The following ST6GAL1 variants were observed in gnomAD, a reference collection of about 807,000 sequenced individuals.
The protein encoded by ST6GAL1 is ST6 beta-galactoside alpha-2,6-sialyltransferase 1.
ST6GAL1 carries 20 observed loss-of-function variants against 38.0 expected under a neutral mutation model. That is an observed-to-expected ratio of 0.53 (90% CI 0.37 to 0.77). The LOEUF is 0.77. Ranked by LOEUF, ST6GAL1 falls within the 30% of genes least tolerant of loss-of-function variation. The pLI is 0.00. For missense variants in ST6GAL1, 432 were observed against 496.4 expected, an observed-to-expected ratio of 0.87 and a Z score of 1.23; for synonymous variants, 196 against 188.2, an observed-to-expected ratio of 1.04 and a Z score of -0.34.
chr3:187,051,974 A>G (rs1718530791), intron 5 of ST6GAL1, among the ~76,000 whole-genome samples: 1 of 152,190 alleles, frequency 6.6e-6, no homozygotes, highest in South Asian at 2.1e-4. Flanking sequence ...AATATCAAAA[A>G]TTGCACAATA....
At chr3:186,997,168 A>G (rs1579307882) in intron 2 of ST6GAL1, among the ~76,000 whole-genome samples, 1 of 151,902 alleles carries the variant, frequency 6.6e-6, no homozygotes, top group Non-Finnish European at 1.5e-5. Flanking sequence ...GGACTGCCCA[A>G]CCTCCTCACT....
chr3:186,970,119 A>C (rs1476701907), intron 2 of ST6GAL1, among the ~76,000 whole-genome samples: 1 of 152,200 alleles, frequency 6.6e-6, no homozygotes, highest in Non-Finnish European at 1.5e-5. Context: ...GATTGGTACA[A>C]CATGTGTATA....
intron 5 of ST6GAL1, among the ~76,000 whole-genome samples, chr3:187,065,490 T>G (rs537069703): frequency 2.0e-5 from 3 of 152,190 alleles, no homozygotes; most frequent in Non-Finnish European, 4.4e-5. Context: ...CTGTGCCAGG[T>G]GTGGCTATGA....
chr3:186,952,852 C>T lies in ST6GAL1; in HGVS notation c.-324-10933C>T, dbSNP rs1204461799. ...ATCTCAAATATGACAAGCCCAAAAT[C>T]GAACTGCTGCTTTTCTCCCTAAAAG... On this transcript the variant is annotated intron_variant, in intron 1 of 7. Transcript: ENST00000169298. This position sits in a 1 kb window ranked among gnomAD's most constrained non-coding sequence, Gnocchi z 4.1. Among the ~76,000 whole-genome samples the T allele has an allele frequency of 6.6e-6, 1 of 152,158 alleles. No individual in the cohort carries two copies. The highest frequency in any genetic ancestry group is 1.5e-5 in the Non-Finnish European group (1 of 68,024).
At position 187,076,286 on chromosome 3, in the gene ST6GAL1, G is replaced by A. The variant is rs936217233; in HGVS notation, c.*483G>A. 1.2e-5 allele frequency: 2 copies of A among 164,708 alleles called. No homozygotes were observed. The highest frequency in any genetic ancestry group is 2.6e-5 in the Non-Finnish European group (2 of 75,764). The allele number at this position is 164,708 out of a possible 1,614,324, so 10.2% of individuals were successfully genotyped here. On this transcript the variant is annotated 3_prime_UTR_variant, in exon 8 of 8. Coordinates refer to ENST00000169298, the MANE Select transcript of ST6GAL1 (RefSeq NM_173216.2). ...CTGGGGGGCAAGTAGGTGGTACAGGGGATTGGAAACATGCTCCGCGCCTCC... is the reference window on the plus strand; with the variant it reads ...CTGGGGGGCAAGTAGGTGGTACAGGAGATTGGAAACATGCTCCGCGCCTCC...
intron 2 of ST6GAL1, among the ~76,000 whole-genome samples, chr3:186,977,642 C>A (rs1486382580): frequency 2.0e-5 from 3 of 152,148 alleles, no homozygotes; most frequent in Non-Finnish European, 2.9e-5. Flanking sequence ...CAGTCTCACG[C>A]AGGAGACACA....
chr3:187,044,283 C>T (rs1247423792), intron 4 of ST6GAL1, among the ~76,000 whole-genome samples: 1 of 152,206 alleles, frequency 6.6e-6, no homozygotes, highest in African/African-American at 2.4e-5. Context: ...AAGCAAAGCA[C>T]AGGAAGCTTT....
At chr3:187,038,083 A>G (rs369899808) in intron 2 of ST6GAL1, among the ~76,000 whole-genome samples, 1 of 151,914 alleles carries the variant, frequency 6.6e-6, no homozygotes, top group South Asian at 2.1e-4. Flanking sequence ...GGATGGACCT[A>G]ATTACTCCCT....
intron 2 of ST6GAL1, among the ~76,000 whole-genome samples, chr3:186,989,841 G>A (rs1327745493): frequency 2.6e-5 from 4 of 152,176 alleles, no homozygotes; most frequent in African/African-American, 9.7e-5. Flanking sequence ...GGATCTCAGG[G>A]ACCCTGTGGA....
intron 2 of ST6GAL1, among the ~76,000 whole-genome samples, chr3:187,000,802 C>T (rs1205726547): frequency 2.0e-5 from 3 of 152,114 alleles, no homozygotes; most frequent in African/African-American, 4.8e-5. Flanking sequence ...GAGGTATTTT[C>T]GTAAGGTTTC....
chr3:186,972,836 A>C (rs758420767), intron 2 of ST6GAL1, among the ~76,000 whole-genome samples: 24 of 152,094 alleles, frequency 1.6e-4, no homozygotes, highest in Non-Finnish European at 3.2e-4. Flanking sequence ...TGTGGGAAGA[A>C]GAGGAGGATT....
chr3:187,042,681 A>T lies in ST6GAL1; in HGVS notation c.-23A>T, dbSNP rs370066665. The stretch of plus-strand genomic sequence containing the variant: ...TTGTTTTCCTGCTCAGAACAAAGTG[A>T]CTTCCCTGAACACATCTTCATTATG... On this transcript the variant is annotated 5_prime_UTR_variant, in exon 4 of 8. Coordinates refer to ENST00000169298, the MANE Select transcript of ST6GAL1 (RefSeq NM_173216.2). The T allele has an allele frequency of 6.4e-7, 1 of 1,565,638 alleles. No homozygotes were observed. The highest frequency in any genetic ancestry group is 8.6e-7 in the Non-Finnish European group (1 of 1,160,044).
intron 2 of ST6GAL1, among the ~76,000 whole-genome samples, chr3:187,013,034 T>C (rs1387997476): frequency 6.6e-6 from 1 of 152,242 alleles, no homozygotes; most frequent in Admixed American, 6.5e-5. Context: ...TTAACAATGT[T>C]GTGTTTTCAT....
intron 2 of ST6GAL1, among the ~76,000 whole-genome samples, chr3:187,032,959 C>G (rs1717803488): frequency 6.6e-6 from 1 of 152,154 alleles, no homozygotes; most frequent in African/African-American, 2.4e-5. Context: ...CAAGTATGTC[C>G]ATATGGCTTC....
At chr3:187,057,450 C>T (rs938424540) in intron 5 of ST6GAL1, among the ~76,000 whole-genome samples, 2 of 152,058 alleles carry the variant, frequency 1.3e-5, no homozygotes, top group African/African-American at 4.8e-5. Flanking sequence ...TTTTATCTAC[C>T]TTTGGTTTTT....
chr3:187,014,598 C>T (rs1717060433), intron 2 of ST6GAL1, among the ~76,000 whole-genome samples: 1 of 152,222 alleles, frequency 6.6e-6, no homozygotes, highest in African/African-American at 2.4e-5. Context: ...TGTGCTTGGT[C>T]AGCATGCAGG....
At chr3:186,978,940 C>T (rs955512608) in intron 2 of ST6GAL1, among the ~76,000 whole-genome samples, 1 of 151,736 alleles carries the variant, frequency 6.6e-6, no homozygotes, top group African/African-American at 2.4e-5. Flanking sequence ...AACTTCAAAA[C>T]CCAGGATGAA....
At chr3:187,020,584 C>T (rs1717263122) in intron 2 of ST6GAL1, among the ~76,000 whole-genome samples, 1 of 152,216 alleles carries the variant, frequency 6.6e-6, no homozygotes, top group Admixed American at 6.5e-5. Flanking sequence ...GTGTAAGGCG[C>T]CACATTATCT....
chr3:186,988,278 GTC>G (rs1385198855), intron 2 of ST6GAL1, among the ~76,000 whole-genome samples: 2 of 152,112 alleles, frequency 1.3e-5, no homozygotes, highest in Non-Finnish European at 2.9e-5. Context: ...TTCTGGAAGT[GTC>G]TCTAACGGGT....
Sources: allele counts gnomAD v4.1 joint callset (sites outside exome capture counted in the v4.1 genomes callset), GRCh38; gene constraint gnomAD v4.1.1; non-coding constraint Gnocchi (gnomAD v3.1); transcripts MANE v1.5; gene names NCBI Gene and HGNC (gene_info 2026-07-23, HGNC 2026-07-21).